The following DOCK1 variants were observed in gnomAD, a reference collection of about 807,000 sequenced individuals.
DOCK1 encodes dedicator of cytokinesis 1, also known as dedicator of cytokinesis protein 1.
In DOCK1, 138 loss-of-function variants were observed where a neutral mutation model predicts 262.7. The ratio of observed to expected loss-of-function variants is 0.53; its 90% CI spans 0.46 to 0.61. The LOEUF (loss-of-function observed/expected upper bound fraction) is 0.61. DOCK1 is among the 20% of genes least tolerant of loss of function. DOCK1 has a pLI of 0.00. For missense variants in DOCK1, 1,908 were observed against 2,370.7 expected (o/e 0.80, Z 4.05); for synonymous variants, 866 against 867.4 (o/e 1.00, Z 0.03).
chr10:127,408,140 G>C (rs568842173), intron 40 of DOCK1, among the ~76,000 whole-genome samples: 21 of 152,142 alleles, frequency 1.4e-4, no homozygotes, highest in African/African-American at 5.1e-4. Context: ...AGGCAGAAAT[G>C]ACCTCAACAA....
intron 29 of DOCK1, among the ~76,000 whole-genome samples, chr10:127,295,527 A>C (rs1475310128): frequency 1.3e-5 from 2 of 152,104 alleles, no homozygotes; most frequent in Non-Finnish European, 2.9e-5. Context: ...CCTACAAAAA[A>C]AATTTAGAAA....
At chr10:127,431,410 A>C (rs1445237353) in intron 47 of DOCK1, among the ~76,000 whole-genome samples, 2 of 152,136 alleles carry the variant, frequency 1.3e-5, no homozygotes, top group Non-Finnish European at 2.9e-5. Flanking sequence ...CCCTTCCTTT[A>C]TTCCTTGAAA....
At chr10:126,989,294 T>C (rs544418807) in intron 5 of DOCK1, among the ~76,000 whole-genome samples, 5 of 152,160 alleles carry the variant, frequency 3.3e-5, no homozygotes, top group African/African-American at 4.8e-5. Context: ...ACAAATTTAA[T>C]GTTTTAAAGG....
intron 23 of DOCK1, among the ~76,000 whole-genome samples, chr10:127,076,802 C>T (rs1401441626): frequency 2.6e-5 from 4 of 152,216 alleles, no homozygotes; most frequent in Non-Finnish European, 5.9e-5. Context: ...TCATCTACCC[C>T]AGGGCCTGTG....
intron 25 of DOCK1, among the ~76,000 whole-genome samples, chr10:127,117,501 A>G (rs1219454445): frequency 6.6e-6 from 1 of 152,182 alleles, no homozygotes; most frequent in Non-Finnish European, 1.5e-5. Flanking sequence ...CATACAAATA[A>G]ATTAAATGTA....
intron 1 of DOCK1, among the ~76,000 whole-genome samples, chr10:126,910,165 A>T (rs1429597603): frequency 6.6e-6 from 1 of 152,268 alleles, no homozygotes; most frequent in Non-Finnish European, 1.5e-5. Context: ...AGGCATTTTC[A>T]TTCACTGGAA....
chr10:127,090,981 T>TG (rs199558264), intron 23 of DOCK1, among the ~76,000 whole-genome samples: 4 of 137,812 alleles, frequency 2.9e-5, no homozygotes, highest in African/African-American at 9.3e-5. Flanking sequence ...AACGTCTATT[T>TG]GGTTTTTTTT....
chr10:127,383,813 G>A (rs1023477772), intron 37 of DOCK1, among the ~76,000 whole-genome samples: 21 of 152,314 alleles, frequency 1.4e-4, no homozygotes, highest in African/African-American at 3.6e-4. Flanking sequence ...CATGCTCACC[G>A]TGTCCTCCCG....
intron 29 of DOCK1, among the ~76,000 whole-genome samples, chr10:127,273,518 C>A (rs181099313): frequency 2.0e-5 from 3 of 152,344 alleles, no homozygotes; most frequent in African/African-American, 7.2e-5. Flanking sequence ...ACTGCTTCTA[C>A]TTTATTTAAG....
At chr10:127,340,462 G>A (rs1027098487) in intron 30 of DOCK1, among the ~76,000 whole-genome samples, 1 of 151,872 alleles carries the variant, frequency 6.6e-6, no homozygotes, top group African/African-American at 2.4e-5. Flanking sequence ...CATATTCCAC[G>A]ATATGAATGT....
chr10:127,235,115 CATT>C (rs1314925909), intron 27 of DOCK1, among the ~76,000 whole-genome samples: 128 of 149,780 alleles, frequency 8.5e-4, no homozygotes, highest in Admixed American at 1.7e-3. Context: ...ATACTTTAAA[CATT>C]ATATACTTTG....
chr10:127,042,541 G>A (rs1449459222), intron 19 of DOCK1, 84 bp from the exon 20 acceptor site: 2 of 1,216,658 alleles, frequency 1.6e-6, no homozygotes, highest in Admixed American at 1.7e-5. Context: ...GGTATTTGGA[G>A]TACTGCAGAG....
chr10:127,075,048 A>G (rs569734222), intron 23 of DOCK1, among the ~76,000 whole-genome samples: 1 of 151,964 alleles, frequency 6.6e-6, no homozygotes, highest in Admixed American at 6.6e-5. Flanking sequence ...GCATGCCTGT[A>G]GTCCCAGCTA....
rs904916562 is a variant in DOCK1, at chr10:127,250,974, T to A, written c.2949+2865T>A. ...GTTTTTCAACTCTGACAACGATTTT[T>A]TTTTTGAGACAGAGTTTCACTCTTG... On this transcript the variant is annotated intron_variant, in intron 28 of 51. Coordinates refer to ENST00000623213, the MANE Select transcript of DOCK1 (RefSeq NM_001290223.2). Among the ~76,000 whole-genome samples, 6 of 152,208 alleles carry A rather than the reference T, an allele frequency of 3.9e-5. No individual in the cohort carries two copies. In the East Asian group the frequency reaches 1.2e-3, roughly 29 times the overall value.
chr10:127,317,537 G>A (rs528947422), intron 29 of DOCK1, among the ~76,000 whole-genome samples: 1 of 152,278 alleles, frequency 6.6e-6, no homozygotes, highest in Non-Finnish European at 1.5e-5. Context: ...AACTCACAGC[G>A]AGGTGGAGAG....
chr10:127,440,080 G>A (rs1291464020), intron 49 of DOCK1, among the ~76,000 whole-genome samples: 1 of 150,618 alleles, frequency 6.6e-6, no homozygotes, highest in East Asian at 2.0e-4. Context: ...GGCTTCTGGT[G>A]AGGCCTCAGG....
At chr10:127,196,306 T>C (rs1017999589) in intron 27 of DOCK1, 2 of 148,500 alleles carry the variant, frequency 1.3e-5, no homozygotes, top group African/African-American at 4.9e-5. Flanking sequence ...CTGGGCCAGC[T>C]CCGGGGACGC....
At chr10:127,232,270 G>A (rs1383168655) in intron 27 of DOCK1, among the ~76,000 whole-genome samples, 1 of 152,110 alleles carries the variant, frequency 6.6e-6, no homozygotes, top group Non-Finnish European at 1.5e-5. Context: ...AAGAATCCCC[G>A]GAATGATTTC....
intron 27 of DOCK1, among the ~76,000 whole-genome samples, chr10:127,164,159 C>CTTT (rs528947051): frequency 3.1e-5 from 2 of 63,520 alleles, no homozygotes; most frequent in Non-Finnish European, 5.8e-5. Flanking sequence ...CATTTGCCTC[C>CTTT]TTTTTTTTTT....
Sources: gnomAD v4.1 joint callset for allele counts (sites outside exome capture counted in the v4.1 genomes callset) on GRCh38, gnomAD v4.1.1 for gene constraint, MANE v1.5 for transcripts, NCBI Gene and HGNC (gene_info 2026-07-23, HGNC 2026-07-21) for gene names.